Variants in TMEM44 observed in about 807,000 individuals in gnomAD.
TMEM44 encodes transmembrane protein 44.
Under a neutral mutation model 47.8 loss-of-function variants are expected in TMEM44, and 43 were observed. The observed-to-expected ratio is 0.90, with a 90% CI of 0.70 to 1.16. The LOEUF (loss-of-function observed/expected upper bound fraction) is 1.16, where lower values mean the gene tolerates loss of function less well. Among genes scored for constraint, TMEM44 ranks in the 50% most tolerant of loss-of-function variants. The pLI is 0.00. For synonymous variants in TMEM44, 277 were observed against 238.8 expected, an observed-to-expected ratio of 1.16 and a Z score of -1.48; for missense variants, 568 against 555.2, an observed-to-expected ratio of 1.02 and a Z score of -0.23.
chr3:194,623,008 T>A, intron 5 of TMEM44: 1 of 468,958 alleles, frequency 2.1e-6, no homozygotes, highest in Admixed American at 4.4e-5. Context: ...CCCGAGAGGC[T>A]CCCGCCGTCC....
At chr3:194,623,927 C>T (rs1326101300) in intron 3 of TMEM44, among the ~76,000 whole-genome samples, 1 of 151,856 alleles carries the variant, frequency 6.6e-6, no homozygotes, top group Non-Finnish European at 1.5e-5. Flanking sequence ...AACGTGCTGC[C>T]CTCCTTCCTC....
intron 4 of TMEM44, 30 bp downstream of exon 4, chr3:194,623,499 C>A: frequency 1.3e-6 from 2 of 1,557,946 alleles, no homozygotes; most frequent in East Asian, 2.3e-5. Context: ...TGCAGTACCC[C>A]GAGTCCTCCC....
rs147701962 is a variant in TMEM44, at chr3:194,599,920, C to T, written c.1176+4367G>A. Among the ~76,000 whole-genome samples the T allele has an allele frequency of 7.1e-3, 1,086 of 151,964 alleles. 8 individuals are homozygous for T. The highest frequency in any genetic ancestry group is 0.022 in the African/African-American group (892 of 41,412). The stretch of plus-strand genomic sequence containing the variant: ...GATTACAGGCATGCGCCACCATACC[C>T]GGCTAATTTTTGTATTTTTAGTTGA... On this transcript the variant is annotated intron_variant, in intron 9 of 9. Coordinates refer to ENST00000347147, the MANE Select transcript of TMEM44 (RefSeq NM_001011655.3).
chr3:194,612,057 T>TAAATAAAA (rs1240949836), intron 7 of TMEM44, among the ~76,000 whole-genome samples: 9 of 135,818 alleles, frequency 6.6e-5, no homozygotes, highest in South Asian at 2.5e-4. Flanking sequence ...AATAAATAAA[T>TAAATAAAA]AAAATACAGA....
chr3:194,596,571 C>T (rs1053112543), intron 9 of TMEM44, among the ~76,000 whole-genome samples: 3 of 152,116 alleles, frequency 2.0e-5, no homozygotes, highest in Non-Finnish European at 4.4e-5. Flanking sequence ...GCGGGCAGAT[C>T]ACCTGAGATC....
rs574551735 is a variant in TMEM44, at chr3:194,611,193, G to A, written c.913-173C>T. Among the ~76,000 whole-genome samples, 3 of 151,910 alleles carry A rather than the reference G, an allele frequency of 2.0e-5. No homozygotes were observed. Among genetic ancestry groups the A allele is most frequent in the Non-Finnish European group, 4.4e-5 (3 of 68,006 alleles). ...TAAGATGTGTCTTATCTTTCTCTTC[G>A]AGGCCACAGTCATTTAGTGTTTCCC... On this transcript the variant is annotated intron_variant, in intron 7 of 9. Transcript: ENST00000347147. The surrounding 1 kb of genome is among the most constrained non-coding windows in gnomAD (Gnocchi z 4.2).
chr3:194,597,552 T>A (rs1773172), intron 9 of TMEM44, among the ~76,000 whole-genome samples: 74,060 of 150,062 alleles, frequency 0.49, 18,726 homozygotes, highest in Non-Finnish European at 0.56. Context: ...CCCAGCTACT[T>A]GGGAGGCTAA....
At chr3:194,593,849 C>T (rs1243257023) in intron 9 of TMEM44, among the ~76,000 whole-genome samples, 1 of 152,120 alleles carries the variant, frequency 6.6e-6, no homozygotes, top group Non-Finnish European at 1.5e-5. Context: ...CTTGCTCTGT[C>T]GCCCAGGCTG....
chr3:194,610,020 A>G (rs1462982887), intron 8 of TMEM44, among the ~76,000 whole-genome samples: 1 of 152,120 alleles, frequency 6.6e-6, no homozygotes, highest in Non-Finnish European at 1.5e-5. Flanking sequence ...CGAGGTCAAG[A>G]GATCGAGACC....
Position 194,633,374 on chromosome 3 carries a change from G to A in TMEM44, c.-159C>T. On this transcript the variant is annotated 5_prime_UTR_variant, in exon 1 of 10. Coordinates refer to ENST00000347147, the MANE Select transcript of TMEM44 (RefSeq NM_001011655.3). Reference sequence around the variant, plus strand: ...ACCGACCGCGGGCAGAGAAGGGCGCGCTCCCGGGCGCGGGCGGCGGCGGCG... The same window carrying A: ...ACCGACCGCGGGCAGAGAAGGGCGCACTCCCGGGCGCGGGCGGCGGCGGCG... The A allele has an allele frequency of 4.4e-6, 1 of 229,570 alleles. No individual in the cohort carries two copies. The highest frequency in any genetic ancestry group is 7.3e-6 in the Non-Finnish European group (1 of 137,518). 14.2% of individuals were successfully genotyped at this position (229,570 alleles called of 1,614,324 possible). A position where few individuals can be genotyped will look rare whatever the true frequency, so the allele number is the denominator to read the frequency against.
chr3:194,615,455 G>C (rs1205835741), intron 7 of TMEM44, 114 bp downstream of exon 7: 58 of 1,440,656 alleles, frequency 4.0e-5, no homozygotes, highest in Non-Finnish European at 5.3e-5. Context: ...CGCCTGCAGA[G>C]AACACTCGGC....
rs186342142 is a variant in TMEM44, at chr3:194,627,222, T to C, written c.264+1161A>G. On this transcript the variant is annotated intron_variant, in intron 2 of 9. Transcript: ENST00000347147. ...GGCCCTATTGTATTCTATTAGCTAATGAGAATGGGCACCCAAAATGAAAGG... is the reference window on the plus strand; with the variant it reads ...GGCCCTATTGTATTCTATTAGCTAACGAGAATGGGCACCCAAAATGAAAGG... Among the ~76,000 whole-genome samples the C allele has an allele frequency of 3.0e-3, 451 of 152,322 alleles. 1 individual carries two copies. The highest frequency in any genetic ancestry group is 0.015 in the South Asian group (74 of 4,830).
chr3:194,621,804 C>G (rs994117323), intron 5 of TMEM44, among the ~76,000 whole-genome samples: 4 of 152,152 alleles, frequency 2.6e-5, no homozygotes, highest in African/African-American at 9.7e-5. Context: ...GCAACCCCCA[C>G]CTCCTGGATT....
chr3:194,633,341 C>A lies in TMEM44; in HGVS notation c.-126G>T. The A allele has an allele frequency of 5.7e-6, 2 of 351,608 alleles. No homozygotes were observed. The highest frequency in any genetic ancestry group is 8.0e-6 in the Non-Finnish European group (2 of 248,510). 21.8% of individuals were successfully genotyped at this position (351,608 alleles called of 1,614,324 possible). The stretch of plus-strand genomic sequence containing the variant: ...TTCCGTTCCGCCGCGGCGCCTCCGG[C>A]CGAGCGCACCGACCGCGGGCAGAGA... On this transcript the variant is annotated 5_prime_UTR_variant, in exon 1 of 10. Coordinates refer to ENST00000347147, the MANE Select transcript of TMEM44 (RefSeq NM_001011655.3).
intron 5 of TMEM44, among the ~76,000 whole-genome samples, chr3:194,619,144 C>T (rs540967922): frequency 6.6e-6 from 1 of 152,264 alleles, no homozygotes; most frequent in Non-Finnish European, 1.5e-5. Context: ...GCTCTTGCTG[C>T]TGCTCAGGAT....
chr3:194,633,039 T>C, intron 1 of TMEM44, 40 bp downstream of exon 1: 3 of 364,388 alleles, frequency 8.2e-6, no homozygotes, highest in African/African-American at 7.4e-5. Context: ...TTGGCGCCCG[T>C]TTCCCCGCCC....
In TMEM44 at chr3:194,592,658, C is replaced by T. The variant is rs988643219; in HGVS notation, c.1177-4019G>A. On this transcript the variant is annotated intron_variant, in intron 9 of 9. Coordinates refer to ENST00000347147, the MANE Select transcript of TMEM44 (RefSeq NM_001011655.3). ...GAGATGGAGTTTCACTCTTGTTGCCCAGGCTGGAGTGCAATGGTGCAATCT... is the reference window on the plus strand; with the variant it reads ...GAGATGGAGTTTCACTCTTGTTGCCTAGGCTGGAGTGCAATGGTGCAATCT... 2.0e-5 allele frequency among the ~76,000 whole-genome samples: 3 copies of T among 151,964 alleles called. No individual in the cohort carries two copies. In the East Asian group the frequency reaches 5.8e-4, roughly 29 times the overall value.
chr3:194,626,568 A>G (rs1717200619), intron 2 of TMEM44, among the ~76,000 whole-genome samples: 1 of 152,014 alleles, frequency 6.6e-6, no homozygotes, highest in Non-Finnish European at 1.5e-5. Flanking sequence ...TAACCTCTCT[A>G]TGCTTCAGTC....
At chr3:194,607,392 C>T (rs1000182667) in intron 8 of TMEM44, among the ~76,000 whole-genome samples, 5 of 152,180 alleles carry the variant, frequency 3.3e-5, no homozygotes, top group African/African-American at 9.7e-5. Flanking sequence ...ACACTAGGAT[C>T]CTTCCTCATA....
Sources: allele counts gnomAD v4.1 joint callset (sites outside exome capture counted in the v4.1 genomes callset), GRCh38; gene constraint gnomAD v4.1.1; non-coding constraint Gnocchi (gnomAD v3.1); transcripts MANE v1.5; gene names NCBI Gene and HGNC (gene_info 2026-07-23, HGNC 2026-07-21).